Variants in LCT observed in about 807,000 individuals in gnomAD.
The protein encoded by LCT is lactase.
Under a neutral mutation model 173.0 loss-of-function variants are expected in LCT, and 90 were observed. The observed-to-expected ratio is 0.52, with a 90% CI of 0.44 to 0.62. The LOEUF (loss-of-function observed/expected upper bound fraction) is 0.62. LCT is among the 20% of genes least tolerant of loss of function. LCT has a pLI of 0.00. For synonymous variants in LCT, 853 were observed against 957.6 expected, an observed-to-expected ratio of 0.89 and a Z score of 2.02; for missense variants, 1,864 against 2,431.4, an observed-to-expected ratio of 0.77 and a Z score of 4.91.
rs200090526 is a variant in LCT at position 135,808,525 on chromosome 2, G to A, written c.3822C>T (p.Asn1274=). 1.4e-5 allele frequency: 23 copies of A among 1,614,182 alleles called. No homozygotes were observed. Among genetic ancestry groups the A allele is most frequent in the South Asian group, 4.4e-5 (4 of 91,088 alleles). ...TGTTCGGATTGGTCAGCCCCACTCC[G>A]TTTTCGGTGATGTAAATGGGGATGT... ...YGDIPIYITE[N]GVGLTNPNTE... is the part of the protein sequence containing the mutation. The change falls in exon 8 of 17, where the codon AAC becomes AAT. Residue 1274 remains asparagine (N), a synonymous_variant. Transcript: ENST00000264162.
In LCT at chr2:135,810,728, G is replaced by GAAA. The variant is rs36092483; in HGVS notation, c.2354-738_2354-736dup. Reference sequence around the variant, plus strand: ...AACATGGCCAGACTCTGTCTCTATTGAAAAAAAAAAAAATGTGGCCAGGCG... The same window carrying GAAA: ...AACATGGCCAGACTCTGTCTCTATTGAAAAAAAAAAAAAAAATGTGGCCAGGCG... On this transcript the variant is annotated intron_variant, in intron 7 of 16. Coordinates refer to ENST00000264162, the MANE Select transcript of LCT (RefSeq NM_002299.4). Among the ~76,000 whole-genome samples the GAAA allele has an allele frequency of 4.1e-5, 6 of 145,958 alleles. No homozygotes were observed. In the East Asian group the frequency reaches 7.9e-4, roughly 19 times the overall value.
chr2:135,821,320 A>C (rs545028062), intron 5 of LCT, among the ~76,000 whole-genome samples: 1 of 152,334 alleles, frequency 6.6e-6, no homozygotes, highest in East Asian at 1.9e-4. Context: ...GCTTGCAGCA[A>C]CAGCTGGCTT....
At position 135,788,265 on chromosome 2, in the gene LCT, G is replaced by T; in HGVS notation, c.*59C>A. ...GTCTAAGACCCTAAGGTGTTTGGTG[G>T]CCGGTAAACATAGATGAAGAAACTA... On this transcript the variant is annotated 3_prime_UTR_variant, in exon 17 of 17. Transcript: ENST00000264162. The T allele has an allele frequency of 8.0e-7, 1 of 1,252,414 alleles. No homozygotes were observed. The highest frequency in any genetic ancestry group is 1.2e-6 in the Non-Finnish European group (1 of 860,062). 77.6% of individuals were successfully genotyped at this position (1,252,414 alleles called of 1,614,324 possible).
At chr2:135,834,870 G>GAA (rs2077973202) in intron 1 of LCT, among the ~76,000 whole-genome samples, 1 of 147,098 alleles carries the variant, frequency 6.8e-6, no homozygotes, top group Non-Finnish European at 1.5e-5. Context: ...AACAAGACAT[G>GAA]AAAATAAGCT....
intron 9 of LCT, among the ~76,000 whole-genome samples, chr2:135,806,745 G>C (rs1460122639): frequency 1.3e-5 from 2 of 152,216 alleles, no homozygotes; most frequent in Non-Finnish European, 2.9e-5. Context: ...CTATCTAGGT[G>C]TGTGTAAGTG....
At chr2:135,800,050 A>G (rs575739819) in intron 12 of LCT, among the ~76,000 whole-genome samples, 1 of 152,364 alleles carries the variant, frequency 6.6e-6, no homozygotes, top group African/African-American at 2.4e-5. Context: ...TACCTGTACA[A>G]ATGATTTTTA....
intron 8 of LCT, 108 bp from the exon 9 acceptor site, chr2:135,807,504 T>C (rs757527362): frequency 4.0e-5 from 41 of 1,034,870 alleles, no homozygotes; most frequent in Non-Finnish European, 5.1e-5. Context: ...GTCCTAAAAG[T>C]GACATACACC....
intron 14 of LCT, among the ~76,000 whole-genome samples, chr2:135,791,262 G>T (rs984699939): frequency 6.6e-6 from 1 of 152,254 alleles, no homozygotes; most frequent in Non-Finnish European, 1.5e-5. Context: ...TGTCTTCAGA[G>T]AATGGGCTCC....
At chr2:135,836,143 C>T (rs1293070040) in intron 1 of LCT, among the ~76,000 whole-genome samples, 2 of 151,392 alleles carry the variant, frequency 1.3e-5, no homozygotes, top group Non-Finnish European at 2.9e-5. Context: ...CTAAGCCTCC[C>T]GAGTAGCTGG....
chr2:135,816,049 G>T (rs1453849899), intron 6 of LCT, among the ~76,000 whole-genome samples: 1 of 152,186 alleles, frequency 6.6e-6, no homozygotes, highest in Non-Finnish European at 1.5e-5. Context: ...CAGGGAAAAG[G>T]CAGACTAACA....
chr2:135,794,243 C>T (rs1386726787), intron 14 of LCT: 1 of 163,652 alleles, frequency 6.1e-6, no homozygotes, highest in Non-Finnish European at 1.3e-5. Context: ...TAAAATTTTA[C>T]TCTTGTATTA....
At chr2:135,821,177 G>C (rs996307292) in intron 5 of LCT, among the ~76,000 whole-genome samples, 1 of 152,108 alleles carries the variant, frequency 6.6e-6, no homozygotes, top group Non-Finnish European at 1.5e-5. Context: ...CACCGTGCCC[G>C]GCAATCTGCT....
chr2:135,794,884 A>T (rs2077567765), intron 13 of LCT, 109 bp from the exon 14 acceptor site: 1 of 1,258,396 alleles, frequency 7.9e-7, no homozygotes, highest in Non-Finnish European at 1.2e-6. Context: ...GGCACTTGGC[A>T]GTGAGTAGGG....
chr2:135,794,675 A>G lies in LCT; in HGVS notation c.5077T>C (p.Tyr1693His), dbSNP rs756289716. The G allele has an allele frequency of 2.5e-6, 4 of 1,614,048 alleles. No individual in the cohort carries two copies. The highest frequency in any genetic ancestry group is 1.1e-5 in the South Asian group (1 of 91,092). The change falls in exon 14 of 17, where the codon TAT becomes CAT. Residue 1693 changes from tyrosine (Y) to histidine (H), a missense_variant. Around this residue, in one of 4 missense-constraint regions of LCT, gnomAD observed 514 missense variants for 750.1 expected, o/e 0.69. Transcript: ENST00000264162. ...YTTVLAYNLN[Y>H]ATAISSFDAD... is the part of the protein sequence containing the mutation. ...TCAAAAGAAGAGATGGCAGTGGCAT[A>G]GTTGAGGTTGTAGGCGAGGACAGTG...
chr2:135,817,405 T>A lies in LCT; in HGVS notation c.1643A>T (p.Tyr548Phe). ...VTFHEPWVMS[Y>F]AGYGTGQHPP... ...GTGCTGGCCGGTGCCATAGCCTGCG[T>A]AGCTCATCACCCACGGCTCATGGAA... Residue 548 changes from tyrosine (Y) to phenylalanine (F), a missense_variant, in exon 6 of 17, where the codon TAC (tyrosine) becomes TTC (phenylalanine). Transcript: ENST00000264162. 1 of 1,614,142 alleles carries A rather than the reference T, an allele frequency of 6.2e-7. No individual in the cohort carries two copies. The highest frequency in any genetic ancestry group is 2.2e-5 in the East Asian group (1 of 44,874).
In LCT at chr2:135,800,741, C is replaced by T; in HGVS notation, c.4732G>A (p.Ala1578Thr). The change falls in exon 12 of 17, where the codon GCC becomes ACC. Residue 1578 changes from alanine (A) to threonine (T), a missense_variant. By Grantham distance (58) the Ala-to-Thr change is moderately conservative. Around this residue, in one of 4 missense-constraint regions of LCT, gnomAD observed 514 missense variants for 750.1 expected, o/e 0.69. Coordinates refer to ENST00000264162, the MANE Select transcript of LCT (RefSeq NM_002299.4). ...TACACATCGTTGTACAGATGCCAGG[C>T]CTCAGCATGAGCCTTTATTAGATTG... ...GHNLIKAHAE[A>T]WHLYNDVYRA... The T allele has an allele frequency of 6.2e-7, 1 of 1,614,144 alleles. No homozygotes were observed. Among genetic ancestry groups the T allele is most frequent in the Non-Finnish European group, 8.5e-7 (1 of 1,180,034 alleles).
At chr2:135,830,311 C>T (rs1392385643) in intron 2 of LCT, among the ~76,000 whole-genome samples, 1 of 152,158 alleles carries the variant, frequency 6.6e-6, no homozygotes, top group African/African-American at 2.4e-5. Context: ...CCCCTCTGCC[C>T]TGTCTCTGGC....
chr2:135,835,976 G>GTGTATATA (rs1553436126), intron 1 of LCT, among the ~76,000 whole-genome samples: 25 of 80,444 alleles, frequency 3.1e-4, no homozygotes, highest in African/African-American at 6.7e-4. Flanking sequence ...ATACATGTGT[G>GTGTATATA]TATATATATA....
chr2:135,809,101 C>A lies in LCT; in HGVS notation c.3246G>T (p.Gly1082=), dbSNP rs746561316. The change falls in exon 8 of 17, where the codon GGG becomes GGT. Residue 1082 remains glycine (G), a synonymous_variant. Transcript: ENST00000264162. The surrounding 1 kb of genome is among the most constrained non-coding windows in gnomAD (Gnocchi z 5.5). ...ATGGTGCCCAGCCTGGGTCCTTCAC[C>A]CCTGGGGGAAATTCCCCTGAGCCAT... ...LGYGSGEFPP[G]VKDPGWAPYR... 1 of 1,614,094 alleles carries A rather than the reference C, an allele frequency of 6.2e-7. No individual in the cohort carries two copies. Among genetic ancestry groups the A allele is most frequent in the Non-Finnish European group, 8.5e-7 (1 of 1,180,044 alleles).
Sources: gnomAD v4.1 joint callset for allele counts (sites outside exome capture counted in the v4.1 genomes callset) on GRCh38, gnomAD v4.1.1 for gene constraint, gnomAD v4.1.1 regional missense constraint, Gnocchi (gnomAD v3.1) non-coding constraint, MANE v1.5 for transcripts, NCBI Gene and HGNC (gene_info 2026-07-23, HGNC 2026-07-21) for gene names.